The following FUT8 variants were observed in gnomAD, a reference collection of about 807,000 sequenced individuals.
FUT8 encodes fucosyltransferase 8.
A neutral mutation model predicts 71.3 loss-of-function variants in FUT8; 29 were observed. That is an observed-to-expected ratio of 0.41 (90% CI 0.30 to 0.55). The LOEUF (loss-of-function observed/expected upper bound fraction) is 0.55, where lower values mean the gene tolerates loss of function less well. FUT8 is among the 20% of genes least tolerant of loss of function. FUT8 has a pLI of 0.34. For missense variants in FUT8, 544 were observed against 702.1 expected (o/e 0.77, Z 2.55); for synonymous variants, 254 against 239.3 (o/e 1.06, Z -0.57).
At chr14:65,527,812 C>T (rs1414510345) in intron 2 of FUT8, among the ~76,000 whole-genome samples, 1 of 152,192 alleles carries the variant, frequency 6.6e-6, no homozygotes, top group Non-Finnish European at 1.5e-5. Flanking sequence ...GCTGGAGGTC[C>T]ACTGCAGACC....
At chr14:65,695,494 T>C (rs1029063723) in intron 7 of FUT8, among the ~76,000 whole-genome samples, 1 of 152,186 alleles carries the variant, frequency 6.6e-6, no homozygotes, top group Non-Finnish European at 1.5e-5. Flanking sequence ...AGGTAAGATA[T>C]TGCTGATAAT....
At chr14:65,364,700 A>G in the FUT8 span, among the ~76,000 whole-genome samples, 1 of 152,148 alleles carries the variant, frequency 6.6e-6, no homozygotes, top group Non-Finnish European at 1.5e-5. Flanking sequence ...GGCTCACATA[A>G]GCTTATTCCC....
At chr14:65,469,189 T>TA (rs1190934960) in intron 2 of FUT8, among the ~76,000 whole-genome samples, 1 of 151,520 alleles carries the variant, frequency 6.6e-6, no homozygotes, top group Non-Finnish European at 1.5e-5. Context: ...AACATATATA[T>TA]AAAAAAAAAT....
rs1297098658 is a variant in FUT8 at position 65,550,765 on chromosome 14, C to T, written c.-227-10572C>T. Among the ~76,000 whole-genome samples, 1 of 152,034 alleles carries T rather than the reference C, an allele frequency of 6.6e-6. No individual in the cohort carries two copies. The highest frequency in any genetic ancestry group is 2.4e-5 in the African/African-American group (1 of 41,392). ...TGTTTTCTGGATCTGTTTAAATGGA[C>T]TAATTTTCTCCTGGTTATGGGTTAC... is the stretch of plus-strand genomic sequence containing the variant. On this transcript the variant is annotated intron_variant, in intron 2 of 10. Transcript: ENST00000673929. The surrounding 1 kb of genome is among the most constrained non-coding windows in gnomAD (Gnocchi z 4.5).
intron 1 of FUT8, among the ~76,000 whole-genome samples, chr14:65,421,545 G>C (rs1276896354): frequency 6.6e-6 from 1 of 152,160 alleles, no homozygotes; most frequent in African/African-American, 2.4e-5. Context: ...ATGTCATGAA[G>C]GAGTCAAAAG....
chr14:65,654,995 G>A (rs781250316), intron 6 of FUT8, among the ~76,000 whole-genome samples: 4 of 151,644 alleles, frequency 2.6e-5, no homozygotes, highest in South Asian at 4.2e-4. Flanking sequence ...CAGGTGATCC[G>A]CCCACCTCGG....
At chr14:65,630,374 C>T (rs186920788) in intron 6 of FUT8, among the ~76,000 whole-genome samples, 208 of 152,080 alleles carry the variant, frequency 1.4e-3, no homozygotes, top group African/African-American at 4.8e-3. Context: ...ATGTACACAC[C>T]GTCTTACATA....
chr14:65,568,881 T>C (rs141624634), intron 3 of FUT8, among the ~76,000 whole-genome samples: 2 of 151,858 alleles, frequency 1.3e-5, no homozygotes, highest in South Asian at 2.1e-4. Flanking sequence ...AGTTCTTTCA[T>C]GTTGAATCAT....
chr14:65,611,246 CACACACACACA>C (rs1888940335), intron 3 of FUT8, among the ~76,000 whole-genome samples: 1 of 34,460 alleles, frequency 2.9e-5, no homozygotes, highest in African/African-American at 1.5e-4. Flanking sequence ...CACACACACA[CACACACACACA>C]CACACACACA....
intron 1 of FUT8, among the ~76,000 whole-genome samples, chr14:65,434,700 C>T (rs1410278245): frequency 6.6e-6 from 1 of 152,166 alleles, no homozygotes; most frequent in East Asian, 1.9e-4. Flanking sequence ...AAGCGTTTTA[C>T]ATTTTATCTT....
intron 7 of FUT8, among the ~76,000 whole-genome samples, chr14:65,714,573 A>G (rs1894961291): frequency 6.6e-6 from 1 of 151,988 alleles, no homozygotes; most frequent in Non-Finnish European, 1.5e-5. Context: ...ATAAGCCACC[A>G]CATCCCCATT....
chr14:65,470,270 G>A (rs1036162661), intron 2 of FUT8, among the ~76,000 whole-genome samples: 1 of 152,256 alleles, frequency 6.6e-6, no homozygotes, highest in Non-Finnish European at 1.5e-5. Context: ...GGCAAGGGGG[G>A]CCTTCCTGAG....
the FUT8 span, among the ~76,000 whole-genome samples, chr14:65,361,426 T>C: frequency 6.7e-6 from 1 of 150,304 alleles, no homozygotes; most frequent in African/African-American, 2.5e-5. Flanking sequence ...TTACTAGGAC[T>C]AAATTACTAT....
At chr14:65,492,718 A>C (rs2066500022) in intron 2 of FUT8, among the ~76,000 whole-genome samples, 1 of 152,158 alleles carries the variant, frequency 6.6e-6, no homozygotes, top group Non-Finnish European at 1.5e-5. Context: ...AGGAGAAGGA[A>C]GAGAAAGGAA....
intron 7 of FUT8, among the ~76,000 whole-genome samples, chr14:65,721,398 T>C (rs1376216396): frequency 1.3e-5 from 2 of 152,212 alleles, no homozygotes; most frequent in Admixed American, 1.3e-4. Flanking sequence ...AAGCTAGAAG[T>C]TTCGAGAACA....
rs567921212 is a variant in FUT8 at position 65,664,165 on chromosome 14, A to G, written c.598-5078A>G. Among the ~76,000 whole-genome samples the G allele has an allele frequency of 3.2e-4, 48 of 152,242 alleles. 2 individuals carry two copies. The South Asian group carries it at 7.7e-3, about 24-fold the overall frequency. ...AATTTTAGTGATATTCAGGTACTCT[A>G]TTTCTCATGAAAATCTGACAAATGT... On this transcript the variant is annotated intron_variant, in intron 6 of 10. Coordinates refer to ENST00000673929, the MANE Select transcript of FUT8 (RefSeq NM_001371533.1).
intron 8 of FUT8, among the ~76,000 whole-genome samples, chr14:65,722,272 C>T (rs1895457689): frequency 6.6e-6 from 1 of 151,876 alleles, no homozygotes; most frequent in South Asian, 2.1e-4. Flanking sequence ...CTTCTTTCTC[C>T]TCTTATCACA....
intron 2 of FUT8, among the ~76,000 whole-genome samples, chr14:65,458,903 C>T (rs978144686): frequency 2.0e-5 from 3 of 151,704 alleles, no homozygotes. Flanking sequence ...GTTCTCATGC[C>T]TCAGACTCCC....
At chr14:65,511,687 A>G (rs1334977352) in intron 2 of FUT8, among the ~76,000 whole-genome samples, 1 of 152,000 alleles carries the variant, frequency 6.6e-6, no homozygotes, top group Non-Finnish European at 1.5e-5. Context: ...CTTGAAATCT[A>G]TTTTGTCTGA....
Sources: gnomAD v4.1 joint callset for allele counts (sites outside exome capture counted in the v4.1 genomes callset) on GRCh38, gnomAD v4.1.1 for gene constraint, Gnocchi (gnomAD v3.1) non-coding constraint, MANE v1.5 for transcripts, NCBI Gene and HGNC (gene_info 2026-07-23, HGNC 2026-07-21) for gene names.